The following OBI1 variants were observed in gnomAD, a reference collection of about 807,000 sequenced individuals.
OBI1 encodes the protein ORC ubiquitin ligase 1, also known as ring finger protein 219.
A neutral mutation model predicts 62.4 loss-of-function variants in OBI1; 59 were observed. The observed-to-expected ratio is 0.95, with a 90% CI of 0.77 to 1.17. The LOEUF is 1.17. Ranked by LOEUF, OBI1 falls within the 50% of genes most tolerant of loss-of-function variation. The pLI is 0.00. For missense variants in OBI1, 875 were observed against 830.9 expected, an observed-to-expected ratio of 1.05 and a Z score of -0.65; for synonymous variants, 302 against 292.8, an observed-to-expected ratio of 1.03 and a Z score of -0.32.
At chr13:78,619,873 A>G (rs1875453406) in intron 5 of OBI1, among the ~76,000 whole-genome samples, 1 of 152,204 alleles carries the variant, frequency 6.6e-6, no homozygotes, top group African/African-American at 2.4e-5. Flanking sequence ...GGTTGACACC[A>G]CAGGATAAGC....
intron 5 of OBI1, among the ~76,000 whole-genome samples, chr13:78,625,648 C>T (rs970893695): frequency 6.6e-6 from 1 of 152,200 alleles, no homozygotes; most frequent in African/African-American, 2.4e-5. Context: ...CAGAAAACTG[C>T]AGTACCTGTC....
In OBI1 at chr13:78,639,014, A is replaced by G. The variant is rs1186254607; in HGVS notation, c.358T>C (p.Leu120=). 6.2e-7 allele frequency: 1 copy of G among 1,613,822 alleles called. No homozygotes were observed. Among genetic ancestry groups the G allele is most frequent in the African/African-American group, 1.3e-5 (1 of 74,938 alleles). The part of the protein sequence containing the change: ...VEELKSKNLS[L]ESQIKTILDP... ...AGAATAGTTTTGATCTGTGACTCCA[A>G]GCTGAGATTTTTACTCTTAAGCTCT... Residue 120 remains leucine, a synonymous_variant, in exon 4 of 6, where the codon TTG becomes CTG. Coordinates refer to ENST00000282003, the MANE Select transcript of OBI1 (RefSeq NM_024546.4).
chr13:78,649,938 G>A (rs920211924), intron 1 of OBI1, among the ~76,000 whole-genome samples: 2 of 152,198 alleles, frequency 1.3e-5, no homozygotes, highest in African/African-American at 2.4e-5. Context: ...AGCTGAAAAC[G>A]AGAAGGGAAG....
intron 5 of OBI1, among the ~76,000 whole-genome samples, chr13:78,624,725 C>G (rs1434531992): frequency 1.3e-5 from 2 of 152,148 alleles, no homozygotes; most frequent in Non-Finnish European, 2.9e-5. Flanking sequence ...TGTGGTAAAC[C>G]TCTAAGGGCT....
At chr13:78,619,584 G>A (rs1348123201) in intron 5 of OBI1, among the ~76,000 whole-genome samples, 2 of 151,984 alleles carry the variant, frequency 1.3e-5, no homozygotes, top group Non-Finnish European at 2.9e-5. Flanking sequence ...CAGTGATCAG[G>A]CCCTTCTCCC....
At position 78,617,834 on chromosome 13, in the gene OBI1, C is replaced by CA. The variant is rs556335286; in HGVS notation, c.639-713dup. Among the ~76,000 whole-genome samples, 59 of 148,280 alleles carry CA rather than the reference C, an allele frequency of 4.0e-4. No homozygotes were observed. The South Asian group carries it at 6.9e-3, about 17-fold the overall frequency. On this transcript the variant is annotated intron_variant, in intron 5 of 5. Transcript: ENST00000282003. ...GTGCTTGTGATTCCAATATACTAGGCAAAAAAAAAAATTTTTTTGTACACT... is the reference window on the plus strand; with the variant it reads ...GTGCTTGTGATTCCAATATACTAGGCAAAAAAAAAAAATTTTTTTGTACACT...
intron 5 of OBI1, among the ~76,000 whole-genome samples, chr13:78,625,961 G>GTTT (rs1875653702): frequency 6.6e-6 from 1 of 152,210 alleles, no homozygotes; most frequent in African/African-American, 2.4e-5. Context: ...GAACCAAAAG[G>GTTT]TTAGAGCATT....
At chr13:78,640,696 A>ACTC (rs1467376539) in intron 3 of OBI1, among the ~76,000 whole-genome samples, 3 of 152,122 alleles carry the variant, frequency 2.0e-5, no homozygotes, top group African/African-American at 4.8e-5. Context: ...GCTACTTGAG[A>ACTC]GGCTGAGGCA....
rs1030662908 is a variant in OBI1 at position 78,628,216 on chromosome 13, G to C, written c.638+6894C>G. On this transcript the variant is annotated intron_variant, in intron 5 of 5. Coordinates refer to ENST00000282003, the MANE Select transcript of OBI1 (RefSeq NM_024546.4). ...GTACTATTAACCCTACTGCACAGAAGACAAAAACTGAGATACAGAAAGGTT... is the reference window on the plus strand; with the variant it reads ...GTACTATTAACCCTACTGCACAGAACACAAAAACTGAGATACAGAAAGGTT... 5.3e-5 allele frequency among the ~76,000 whole-genome samples: 8 copies of C among 152,150 alleles called. No homozygotes were observed. The South Asian group carries it at 1.0e-3, about 20-fold the overall frequency.
At chr13:78,631,745 T>C (rs1042826160) in intron 5 of OBI1, among the ~76,000 whole-genome samples, 2 of 152,156 alleles carry the variant, frequency 1.3e-5, no homozygotes, top group African/African-American at 4.8e-5. Context: ...TGAATATTAT[T>C]GAAACCTAGA....
At chr13:78,656,703 C>T (rs1035836986) in intron 1 of OBI1, among the ~76,000 whole-genome samples, 1 of 117,306 alleles carries the variant, frequency 8.5e-6, no homozygotes, top group Non-Finnish European at 1.6e-5. Flanking sequence ...CCCTCAGTCA[C>T]ATATCCTTTC....
chr13:78,634,094 CAAAAAAA>C (rs773650945), intron 5 of OBI1, among the ~76,000 whole-genome samples: 1,116 of 86,384 alleles, frequency 0.013, 11 homozygotes, highest in African/African-American at 0.044. Flanking sequence ...AAACAAAAAA[CAAAAAAA>C]AAAAACAAAA....
At position 78,659,106 on chromosome 13, in the gene OBI1, C is replaced by T. The variant is rs1876804370; in HGVS notation, c.15G>A (p.Val5=). The T allele has an allele frequency of 6.2e-7, 1 of 1,611,996 alleles. No individual in the cohort carries two copies. The highest frequency in any genetic ancestry group is 1.3e-5 in the African/African-American group (1 of 74,688). The part of the protein sequence containing the change: MAQT[V]QNVTLSLTLP... ...GAGTGAGCGACAATGTAACATTCTG[C>T]ACGGTCTGAGCCATGGCAGCGTTCA... Residue 5 remains valine, a synonymous_variant, in exon 1 of 6, where the codon GTG becomes GTA. Coordinates refer to ENST00000282003, the MANE Select transcript of OBI1 (RefSeq NM_024546.4).
chr13:78,615,780 G>C lies in OBI1; in HGVS notation c.1981C>G (p.Arg661Gly). The C allele has an allele frequency of 1.2e-6, 2 of 1,613,824 alleles. No homozygotes were observed. The highest frequency in any genetic ancestry group is 1.1e-5 in the South Asian group (1 of 90,978). ...SQGILLSSSH[R>G]LFEDQRFGSS... is the part of the protein sequence containing the mutation. ...CCAAATCTTTGATCTTCAAATAGTCGATGTGAACTGCTTAACAAAATGCCC... is the reference window on the plus strand; with the variant it reads ...CCAAATCTTTGATCTTCAAATAGTCCATGTGAACTGCTTAACAAAATGCCC... The change falls in exon 6 of 6, where the codon CGA becomes GGA. Residue 661 changes from arginine to glycine, a missense_variant. Arg to Gly is a moderately radical substitution (Grantham distance 125). Transcript: ENST00000282003.
At chr13:78,652,751 T>C (rs140554262) in intron 1 of OBI1, among the ~76,000 whole-genome samples, 1 of 152,220 alleles carries the variant, frequency 6.6e-6, no homozygotes, top group African/African-American at 2.4e-5. Context: ...CCTATGAAAA[T>C]CTAATGCTGC....
intron 5 of OBI1, 200 bp from the exon 6 acceptor site, chr13:78,617,322 T>C (rs907079112): frequency 6.6e-6 from 3 of 454,838 alleles, no homozygotes; most frequent in Non-Finnish European, 1.2e-5. Context: ...ATGATAATAA[T>C]AGCAAAACCT....
chr13:78,629,400 A>G (rs1875780100), intron 5 of OBI1, among the ~76,000 whole-genome samples: 1 of 152,180 alleles, frequency 6.6e-6, no homozygotes, highest in Admixed American at 6.5e-5. Context: ...GTGAGTTAGT[A>G]GCTGAGGACA....
At chr13:78,643,604 C>T (rs1876285384) in intron 2 of OBI1, among the ~76,000 whole-genome samples, 1 of 152,150 alleles carries the variant, frequency 6.6e-6, no homozygotes, top group Non-Finnish European at 1.5e-5. Context: ...GCCTGACCAA[C>T]ATGGAGAAAC....
chr13:78,644,981 A>G lies in OBI1; in HGVS notation c.89T>C (p.Ile30Thr), dbSNP rs767106142. 1 of 1,613,164 alleles carries G rather than the reference A, an allele frequency of 6.2e-7. No homozygotes were observed. ...ICLGKVRQPV[I>T]CINNHVFCSI... Reference sequence around the variant, plus strand: ...ACAAAATACATGGTTGTTGATGCATATGACAGGCTGACGTACCTTTGAAAA... The same window carrying G: ...ACAAAATACATGGTTGTTGATGCATGTGACAGGCTGACGTACCTTTGAAAA... Residue 30 changes from isoleucine to threonine, a missense_variant, in exon 2 of 6, where the codon ATA becomes ACA. Physicochemically the swap from Ile to Thr is moderately conservative, Grantham distance 89 (BLOSUM62 -1). Coordinates refer to ENST00000282003, the MANE Select transcript of OBI1 (RefSeq NM_024546.4).
Sources: gnomAD v4.1 joint callset for allele counts (sites outside exome capture counted in the v4.1 genomes callset) on GRCh38, gnomAD v4.1.1 for gene constraint, MANE v1.5 for transcripts, NCBI Gene and HGNC (gene_info 2026-07-23, HGNC 2026-07-21) for gene names.